HNRNPD: variants seen among roughly 807,000 people sequenced by gnomAD.
HNRNPD encodes the protein heterogeneous nuclear ribonucleoprotein D.
HNRNPD carries 3 observed loss-of-function variants against 47.9 expected under a neutral mutation model. The observed-to-expected ratio is 0.06, with a 90% CI of 0.03 to 0.16. The LOEUF is 0.16. Among genes scored for constraint, HNRNPD ranks in the 10% least tolerant of loss-of-function variants. HNRNPD has a pLI of 1.00. For missense variants in HNRNPD, 287 were observed against 454.2 expected (o/e 0.63, Z 3.35); for synonymous variants, 171 against 165.1 (o/e 1.04, Z -0.28).
intron 2 of HNRNPD, 49 bp downstream of exon 2, chr4:82,371,479 A>G (rs1433192183): frequency 6.3e-6 from 9 of 1,432,096 alleles, no homozygotes; most frequent in Non-Finnish European, 1.9e-6. Context: ...TCTACATATT[A>G]TGACTACTGA....
At chr4:82,361,783 T>C (rs1719451654) in intron 2 of HNRNPD, among the ~76,000 whole-genome samples, 1 of 152,186 alleles carries the variant, frequency 6.6e-6, no homozygotes, top group South Asian at 2.1e-4. Context: ...TTCTTAAATA[T>C]CACCTAAGCA....
At chr4:82,358,102 A>G (rs1454481865) in intron 4 of HNRNPD, 1 of 152,352 alleles carries the variant, frequency 6.6e-6, no homozygotes, top group African/African-American at 2.4e-5. Flanking sequence ...CTATTTCACT[A>G]ATGAGTCTAA....
At chr4:82,358,477 A>T in intron 4 of HNRNPD, 182 bp downstream of exon 4, 1 of 563,038 alleles carries the variant, frequency 1.8e-6, no homozygotes, top group Non-Finnish European at 3.1e-6. Flanking sequence ...GCTCAATGAG[A>T]AAAACACATT....
intron 2 of HNRNPD, among the ~76,000 whole-genome samples, chr4:82,360,950 G>A (rs973064005): frequency 1.3e-5 from 2 of 152,236 alleles, no homozygotes; most frequent in Admixed American, 6.5e-5. Flanking sequence ...TATATACTGC[G>A]CTTCCCACTT....
At chr4:82,357,477 C>CAT (rs1376264085) in intron 4 of HNRNPD, 33 bp from the exon 5 acceptor site, 3 of 1,567,608 alleles carry the variant, frequency 1.9e-6, no homozygotes, top group Non-Finnish European at 2.6e-6. Flanking sequence ...AATATGCTAA[C>CAT]ATGCATTTTA....
At chr4:82,356,218 G>A in intron 7 of HNRNPD, 1 of 239,738 alleles carries the variant, frequency 4.2e-6, no homozygotes, top group Non-Finnish European at 8.0e-6. Context: ...ATCATGCCAA[G>A]ATTATTGGTT....
At position 82,356,697 on chromosome 4, in the gene HNRNPD, A is replaced by G; in HGVS notation, c.854-14T>C. 4 of 1,613,686 alleles carry G rather than the reference A, an allele frequency of 2.5e-6. No individual in the cohort carries two copies. Among genetic ancestry groups the G allele is most frequent in the Non-Finnish European group, 3.4e-6 (4 of 1,179,940 alleles). On this transcript the variant is annotated splice_polypyrimidine_tract_variant and intron_variant, in intron 6 of 8. Transcript: ENST00000313899. ...TTTGACTGGGGCCTGCAGCACATTA[A>G]TAGGTTCACTAAAGTCAGAAGATCA...
At chr4:82,365,582 T>C (rs1194819709) in intron 2 of HNRNPD, among the ~76,000 whole-genome samples, 1 of 152,050 alleles carries the variant, frequency 6.6e-6, no homozygotes, top group Non-Finnish European at 1.5e-5. Flanking sequence ...ACCAGCCTTT[T>C]TAGATCTGAT....
At chr4:82,370,299 G>C (rs1402021484) in intron 2 of HNRNPD, among the ~76,000 whole-genome samples, 1 of 152,208 alleles carries the variant, frequency 6.6e-6, no homozygotes, top group Admixed American at 6.5e-5. Flanking sequence ...AGCAGGTCAA[G>C]TGTAATTACT....
At chr4:82,369,957 A>C (rs1247181245) in intron 2 of HNRNPD, among the ~76,000 whole-genome samples, 60 of 152,328 alleles carry the variant, frequency 3.9e-4, no homozygotes, top group Non-Finnish European at 2.5e-4. Flanking sequence ...AGCCTGACCA[A>C]CATGAAGAAA....
At chr4:82,360,255 G>C (rs1723905157) in intron 2 of HNRNPD, among the ~76,000 whole-genome samples, 1 of 152,024 alleles carries the variant, frequency 6.6e-6, no homozygotes. Flanking sequence ...TAACTTAGAT[G>C]ATTCGTTTAC....
At chr4:82,372,708 G>C (rs979150597) in intron 1 of HNRNPD, among the ~76,000 whole-genome samples, 1 of 152,160 alleles carries the variant, frequency 6.6e-6, no homozygotes, top group African/African-American at 2.4e-5. Flanking sequence ...GTGCAGGCCC[G>C]ATCGACTAAG....
At chr4:82,357,564 T>C (rs558685241) in intron 4 of HNRNPD, 120 bp from the exon 5 acceptor site, 1 of 724,122 alleles carries the variant, frequency 1.4e-6, no homozygotes, top group African/African-American at 1.8e-5. Flanking sequence ...GAAGTTCTAG[T>C]CTCCTGTTTC....
At chr4:82,361,577 G>C (rs767584426) in intron 2 of HNRNPD, among the ~76,000 whole-genome samples, 1 of 152,002 alleles carries the variant, frequency 6.6e-6, no homozygotes, top group Non-Finnish European at 1.5e-5. Context: ...TTCTCTGTCT[G>C]GTCTATTCAG....
At chr4:82,357,233 A>C in intron 5 of HNRNPD, 80 bp downstream of exon 5, 1 of 1,438,422 alleles carries the variant, frequency 7.0e-7, no homozygotes, top group Admixed American at 2.4e-5. Flanking sequence ...AAAGAACTTA[A>C]GCCTTTACAG....
chr4:82,372,190 T>C (rs1720079476), intron 1 of HNRNPD, among the ~76,000 whole-genome samples: 1 of 151,922 alleles, frequency 6.6e-6, no homozygotes, highest in African/African-American at 2.4e-5. Context: ...CAAAAAGGAA[T>C]GGAAGCGTGA....
intron 2 of HNRNPD, among the ~76,000 whole-genome samples, chr4:82,367,027 T>C (rs1578054643): frequency 2.1e-5 from 1 of 46,750 alleles, no homozygotes; most frequent in South Asian, 4.1e-4. Context: ...CACACTAGCC[T>C]TTTTTTTTTT....
At chr4:82,359,253 A>G (rs1276912968) in intron 3 of HNRNPD, among the ~76,000 whole-genome samples, 1 of 152,172 alleles carries the variant, frequency 6.6e-6, no homozygotes, top group Non-Finnish European at 1.5e-5. Context: ...TAGTATCTTT[A>G]AAGTTAATTT....
chr4:82,364,274 TCTTA>T (rs1187759176), intron 2 of HNRNPD, among the ~76,000 whole-genome samples: 2 of 152,200 alleles, frequency 1.3e-5, no homozygotes, highest in Admixed American at 1.3e-4. Flanking sequence ...GCCCCCTGCC[TCTTA>T]CTAATTGTGT....
Sources: gnomAD v4.1 joint callset for allele counts (sites outside exome capture counted in the v4.1 genomes callset) on GRCh38, gnomAD v4.1.1 for gene constraint, MANE v1.5 for transcripts, NCBI Gene and HGNC (gene_info 2026-07-23, HGNC 2026-07-21) for gene names.